The following PFKFB4 variants were observed in gnomAD, a reference collection of about 807,000 sequenced individuals.
PFKFB4 encodes the protein 6-phosphofructo-2-kinase/fructose-2,6-biphosphatase 4, also known as 6-phosphofructo-2-kinase/fructose-2,6-bisphosphatase 4.
In PFKFB4, 42 loss-of-function variants were observed where a neutral mutation model predicts 62.8. The ratio of observed to expected loss-of-function variants is 0.67; its 90% CI spans 0.52 to 0.86. The LOEUF is 0.86. Ranked by LOEUF, PFKFB4 falls within the 40% of genes least tolerant of loss-of-function variation. The pLI, the probability that PFKFB4 is intolerant of heterozygous loss-of-function variation, is 0.00. For missense variants in PFKFB4, 475 were observed against 627.2 expected (o/e 0.76, Z 2.59); for synonymous variants, 204 against 240.7 (o/e 0.85, Z 1.41).
chr3:48,545,170 T>G (rs919922838), intron 3 of PFKFB4, among the ~76,000 whole-genome samples: 5 of 152,130 alleles, frequency 3.3e-5, no homozygotes, highest in African/African-American at 1.2e-4. Flanking sequence ...CTCACTTTGT[T>G]GCCCAGGCTG....
At chr3:48,541,303 AT>A (rs568609946) in intron 4 of PFKFB4, among the ~76,000 whole-genome samples, 3 of 150,744 alleles carry the variant, frequency 2.0e-5, no homozygotes, top group Non-Finnish European at 4.4e-5. Context: ...AATTTTTTGT[AT>A]TTTTTTAGTA....
intron 7 of PFKFB4, 184 bp from the exon 8 acceptor site, chr3:48,536,647 G>GACTC (rs779425462): frequency 3.4e-5 from 20 of 582,312 alleles, no homozygotes; most frequent in Non-Finnish European, 6.2e-5. Context: ...CAGTGCGTGT[G>GACTC]ACGCACAGGC....
chr3:48,550,335 C>A, intron 1 of PFKFB4, 101 bp from the exon 2 acceptor site: 3 of 767,268 alleles, frequency 3.9e-6, no homozygotes, highest in Non-Finnish European at 7.0e-6. Flanking sequence ...ATGGGACTGG[C>A]ATCAGACGTA....
At chr3:48,538,987 G>A (rs1049139050) in intron 6 of PFKFB4, among the ~76,000 whole-genome samples, 2 of 152,064 alleles carry the variant, frequency 1.3e-5, no homozygotes, top group Non-Finnish European at 2.9e-5. Context: ...TATAAAACAT[G>A]CCCCTCACCC....
intron 4 of PFKFB4, among the ~76,000 whole-genome samples, chr3:48,542,340 A>G (rs1024165244): frequency 1.3e-5 from 2 of 151,752 alleles, no homozygotes; most frequent in African/African-American, 4.9e-5. Flanking sequence ...TCTCAAAAAA[A>G]AAAAAAAAGA....
chr3:48,554,239 G>A (rs529438316), intron 1 of PFKFB4, among the ~76,000 whole-genome samples: 154 of 152,258 alleles, frequency 1.0e-3, no homozygotes, highest in African/African-American at 3.4e-3. Context: ...CACACCCTCC[G>A]GGTCCAGACT....
chr3:48,553,623 G>A (rs1405622269), intron 1 of PFKFB4, among the ~76,000 whole-genome samples: 2 of 152,244 alleles, frequency 1.3e-5, no homozygotes, highest in Non-Finnish European at 2.9e-5. Context: ...CAAGGGGCCT[G>A]AGACGTGCCT....
chr3:48,538,317 C>A (rs868158372), intron 7 of PFKFB4, among the ~76,000 whole-genome samples, 181 bp downstream of exon 7: 2 of 152,138 alleles, frequency 1.3e-5, no homozygotes, highest in African/African-American at 4.8e-5. Flanking sequence ...ATGAGGTAAC[C>A]GGTGTTCTGC....
At chr3:48,535,387 G>A in intron 9 of PFKFB4, 125 bp downstream of exon 9, 2 of 848,908 alleles carry the variant, frequency 2.4e-6, no homozygotes, top group Middle Eastern at 3.7e-4. Context: ...CCAGCCCCTA[G>A]GTTCCTGTAT....
At chr3:48,530,266 A>G (rs1247309715) in intron 9 of PFKFB4, among the ~76,000 whole-genome samples, 1 of 152,132 alleles carries the variant, frequency 6.6e-6, no homozygotes, top group Non-Finnish European at 1.5e-5. Context: ...AAATAAATAA[A>G]TAAATAAAAA....
chr3:48,559,608 C>G (rs1323913569), upstream of PFKFB4: 1 of 456,768 alleles, frequency 2.2e-6, no homozygotes, highest in Non-Finnish European at 4.4e-6. Flanking sequence ...GCCCTCATGG[C>G]TTTTTCCTCC....
chr3:48,537,841 A>G (rs1365985565), intron 7 of PFKFB4, among the ~76,000 whole-genome samples: 1 of 152,136 alleles, frequency 6.6e-6, no homozygotes, highest in African/African-American at 2.4e-5. Flanking sequence ...ACACAATCTT[A>G]TAGAATTACA....
Position 48,533,580 on chromosome 3 carries a change from C to T in PFKFB4, c.987+1932G>A, listed in dbSNP as rs544028530. On this transcript the variant is annotated intron_variant, in intron 9 of 13. Transcript: ENST00000232375. ...ATTAAAAAAGGACAAATTGGCAGGG[C>T]GCTGTGGCTGACACCTGTAATCCTA... 1.3e-4 allele frequency among the ~76,000 whole-genome samples: 20 copies of T among 152,256 alleles called. No homozygotes were observed. In the South Asian group the frequency reaches 1.7e-3, roughly 13 times the overall value.
At chr3:48,534,854 G>C (rs1486758025) in intron 9 of PFKFB4, among the ~76,000 whole-genome samples, 1 of 151,756 alleles carries the variant, frequency 6.6e-6, no homozygotes, top group Non-Finnish European at 1.5e-5. Context: ...TGTTGCCCAG[G>C]CTGGAGTGCA....
At chr3:48,542,997 G>A (rs1401189822) in intron 4 of PFKFB4, among the ~76,000 whole-genome samples, 1 of 152,192 alleles carries the variant, frequency 6.6e-6, no homozygotes, top group Non-Finnish European at 1.5e-5. Flanking sequence ...GAAGGGCAAT[G>A]GCTGTGCTAC....
intron 7 of PFKFB4, 186 bp from the exon 8 acceptor site, chr3:48,536,649 C>A (rs961344746): frequency 6.9e-6 from 4 of 577,838 alleles, no homozygotes; most frequent in Non-Finnish European, 1.2e-5. Context: ...GTGCGTGTGA[C>A]GCACAGGCAA....
At chr3:48,561,166 G>T, upstream of PFKFB4, 1 of 1,052,928 alleles carries the variant, frequency 9.5e-7, no homozygotes, top group Non-Finnish European at 1.3e-6. The surrounding 1 kb of genome is among the most constrained non-coding windows in gnomAD (Gnocchi z 5.2). Context: ...CCAGAGTGGG[G>T]TAACCCCGCC....
intron 12 of PFKFB4, 107 bp downstream of exon 12, chr3:48,523,430 G>T: frequency 9.3e-7 from 1 of 1,074,930 alleles, no homozygotes; most frequent in Non-Finnish European, 1.4e-6. Flanking sequence ...GTAGGTGGAG[G>T]AATGGGCTCC....
At chr3:48,527,684 CTTTT>C (rs1180697646) in intron 9 of PFKFB4, among the ~76,000 whole-genome samples, 2 of 121,200 alleles carry the variant, frequency 1.7e-5, no homozygotes, top group African/African-American at 3.1e-5. Context: ...CGTCCATCAT[CTTTT>C]TTTTTTTTTT....
Sources: allele counts gnomAD v4.1 joint callset (sites outside exome capture counted in the v4.1 genomes callset), GRCh38; gene constraint gnomAD v4.1.1; non-coding constraint Gnocchi (gnomAD v3.1); transcripts MANE v1.5; gene names NCBI Gene and HGNC (gene_info 2026-07-23, HGNC 2026-07-21).